FANK1: variants seen among roughly 807,000 people sequenced by gnomAD.
FANK1 encodes fibronectin type 3 and ankyrin repeat domains protein 1.
In FANK1, 44 loss-of-function variants were observed where a neutral mutation model predicts 45.3. The ratio of observed to expected loss-of-function variants is 0.97; its 90% CI spans 0.76 to 1.25. FANK1 has a LOEUF of 1.25. FANK1 is among the 50% of genes most tolerant of loss of function. The pLI is 0.00. For synonymous variants in FANK1, 149 were observed against 152.5 expected, an observed-to-expected ratio of 0.98 and a Z score of 0.17; for missense variants, 391 against 424.4, an observed-to-expected ratio of 0.92 and a Z score of 0.69.
chr10:125,982,674 C>T (rs1280095120), intron 2 of FANK1, among the ~76,000 whole-genome samples: 1 of 152,196 alleles, frequency 6.6e-6, no homozygotes, highest in Non-Finnish European at 1.5e-5. Flanking sequence ...AGTTTCTGTT[C>T]CCATCAGTCA....
chr10:125,934,724 GTTTTTTTTTTTTTTTTT>G (rs145182884), intron 1 of FANK1, among the ~76,000 whole-genome samples: 39 of 26,456 alleles, frequency 1.5e-3, no homozygotes, highest in Non-Finnish European at 2.4e-3. Flanking sequence ...TACCCCTACC[GTTTTTTTTTTTTTTTTT>G]TTTTTTTTTT....
At chr10:125,995,308 C>A in intron 3 of FANK1, 109 bp from the exon 4 acceptor site, 1 of 937,256 alleles carries the variant, frequency 1.1e-6, no homozygotes, top group Non-Finnish European at 1.7e-6. Context: ...ACAGGAATAG[C>A]CAAGCGCCTT....
At chr10:125,965,787 T>C (rs1950173940) in intron 1 of FANK1, among the ~76,000 whole-genome samples, 1 of 152,248 alleles carries the variant, frequency 6.6e-6, no homozygotes, top group Non-Finnish European at 1.5e-5. Flanking sequence ...AGGAAATATC[T>C]TGGGAAGTAC....
chr10:125,982,867 T>A (rs1314676308), intron 2 of FANK1, among the ~76,000 whole-genome samples: 2 of 152,046 alleles, frequency 1.3e-5, no homozygotes, highest in African/African-American at 4.8e-5. Flanking sequence ...GATCCCCAGC[T>A]CCTACACCTG....
chr10:125,915,158 G>A (rs1169755531), intron 1 of FANK1, among the ~76,000 whole-genome samples: 7 of 152,166 alleles, frequency 4.6e-5, no homozygotes, highest in Admixed American at 2.0e-4. Context: ...CTGCCAGGCT[G>A]CTCTTTCCAC....
intron 1 of FANK1, among the ~76,000 whole-genome samples, chr10:125,912,546 A>G (rs370091505): frequency 2.0e-5 from 3 of 150,306 alleles, no homozygotes; most frequent in Non-Finnish European, 2.9e-5. Context: ...AGCAACTTCA[A>G]TTCATTGCTT....
chr10:125,931,433 A>G (rs994962703), intron 1 of FANK1, among the ~76,000 whole-genome samples: 2 of 152,092 alleles, frequency 1.3e-5, no homozygotes, highest in African/African-American at 2.4e-5. Flanking sequence ...GTGGTATCAC[A>G]TTGTGGTTTT....
At chr10:126,008,798 C>G (rs145063077) in intron 8 of FANK1, among the ~76,000 whole-genome samples, 1 of 152,316 alleles carries the variant, frequency 6.6e-6, no homozygotes, top group Non-Finnish European at 1.5e-5. Flanking sequence ...CAAAACAGAA[C>G]TGGTGAAACA....
chr10:125,899,332 T>G (rs897980799), intron 1 of FANK1, among the ~76,000 whole-genome samples: 13 of 152,212 alleles, frequency 8.5e-5, no homozygotes, highest in Non-Finnish European at 1.8e-4. Flanking sequence ...AGTGCTGGGA[T>G]TACAGGCGTG....
intron 1 of FANK1, among the ~76,000 whole-genome samples, chr10:125,957,137 G>A (rs1949630771): frequency 6.6e-6 from 1 of 152,152 alleles, no homozygotes; most frequent in African/African-American, 2.4e-5. Flanking sequence ...TTACAGGCGT[G>A]AGCCACCGCA....
chr10:125,904,310 C>T (rs1945298997), intron 1 of FANK1, among the ~76,000 whole-genome samples: 1 of 152,260 alleles, frequency 6.6e-6, no homozygotes, highest in African/African-American at 2.4e-5. Flanking sequence ...AGTATGTATA[C>T]CCCTATATTT....
At chr10:125,976,968 G>T (rs1238002739) in intron 1 of FANK1, among the ~76,000 whole-genome samples, 5 of 151,320 alleles carry the variant, frequency 3.3e-5, no homozygotes. Context: ...GACCCGTTAG[G>T]TTTTTTTTTA....
intron 1 of FANK1, among the ~76,000 whole-genome samples, chr10:125,914,292 T>TATATATATATATATA (rs58995936): frequency 2.7e-5 from 4 of 150,802 alleles, no homozygotes; most frequent in East Asian, 1.9e-4. Context: ...TATATATATA[T>TATATATATATATATA]TTAAAAAGTC....
chr10:125,957,951 G>A (rs927046544), intron 1 of FANK1, among the ~76,000 whole-genome samples: 1 of 151,560 alleles, frequency 6.6e-6, no homozygotes, highest in African/African-American at 2.4e-5. Flanking sequence ...TGACTTTTTT[G>A]GCCCATATTT....
At chr10:125,963,971 A>G (rs1950070298) in intron 1 of FANK1, among the ~76,000 whole-genome samples, 1 of 152,008 alleles carries the variant, frequency 6.6e-6, no homozygotes, top group Non-Finnish European at 1.5e-5. Context: ...GGGTAAGACA[A>G]AAAAAAGGAG....
chr10:125,955,368 C>G (rs1208166341), intron 1 of FANK1, among the ~76,000 whole-genome samples: 5 of 152,052 alleles, frequency 3.3e-5, no homozygotes, highest in Admixed American at 6.6e-5. Flanking sequence ...GTTTTCTGTT[C>G]CTCCATTAGT....
chr10:125,954,338 G>A (rs1949438767), intron 1 of FANK1, among the ~76,000 whole-genome samples: 2 of 152,170 alleles, frequency 1.3e-5, no homozygotes, highest in African/African-American at 4.8e-5. Context: ...GAAGAGCAAG[G>A]ATGCTGAACA....
At chr10:126,000,702 T>C (rs1952693796) in intron 6 of FANK1, among the ~76,000 whole-genome samples, 1 of 152,142 alleles carries the variant, frequency 6.6e-6, no homozygotes, top group African/African-American at 2.4e-5. Context: ...AGAAAAAGAT[T>C]GAGTGTATTA....
chr10:125,964,256 A>G (rs1950094042), intron 1 of FANK1, among the ~76,000 whole-genome samples: 1 of 136,902 alleles, frequency 7.3e-6, no homozygotes, highest in Non-Finnish European at 1.5e-5. Context: ...TCAGTGGCTC[A>G]ATCTCTGCTC....
Sources: gnomAD v4.1 joint callset for allele counts (sites outside exome capture counted in the v4.1 genomes callset) on GRCh38, gnomAD v4.1.1 for gene constraint, MANE v1.5 for transcripts, NCBI Gene and HGNC (gene_info 2026-07-23, HGNC 2026-07-21) for gene names.